The following APBB2 variants were observed in gnomAD, a reference collection of about 807,000 sequenced individuals.
APBB2 encodes amyloid beta precursor protein binding family B member 2.
In APBB2, 38 loss-of-function variants were observed where a neutral mutation model predicts 82.5. The observed-to-expected ratio is 0.46, with a 90% CI of 0.36 to 0.60. The LOEUF (loss-of-function observed/expected upper bound fraction) is 0.60. Among genes scored for constraint, APBB2 ranks in the 20% least tolerant of loss-of-function variants. The pLI is 0.00. For synonymous variants in APBB2, 341 were observed against 368.2 expected (o/e 0.93, Z 0.85); for missense variants, 772 against 972.3 (o/e 0.79, Z 2.74).
chr4:40,946,364 C>T (rs55738051), intron 6 of APBB2, among the ~76,000 whole-genome samples: 33,272 of 151,040 alleles, frequency 0.22, 3,865 homozygotes, highest in African/African-American at 0.29. Flanking sequence ...TGAGAGACAA[C>T]AAAGGTGGGT....
At chr4:40,847,052 C>A (rs890108484) in intron 12 of APBB2, among the ~76,000 whole-genome samples, 1 of 152,104 alleles carries the variant, frequency 6.6e-6, no homozygotes, top group African/African-American at 2.4e-5. Flanking sequence ...ACACCATGTT[C>A]CAGTTTCAAC....
Position 40,944,994 on chromosome 4 carries a change from C to T in APBB2, c.915G>A (p.Gly305=), listed in dbSNP as rs747282791. ...CTGTTGGGATGTGCCAATAATAGGT[C>T]CCGGCAATGTCACTGACTCTTTTCC... The part of the protein sequence containing the change: ...PGWKRVSDIA[G]TYYWHIPTGT... The change falls in exon 7 of 18, where the codon GGG becomes GGA. Residue 305 remains glycine (G), a synonymous_variant. Coordinates refer to ENST00000508593, the MANE Select transcript of APBB2 (RefSeq NM_004307.2). 8 of 1,613,368 alleles carry T rather than the reference C, an allele frequency of 5.0e-6. No individual in the cohort carries two copies. Among genetic ancestry groups the T allele is most frequent in the Non-Finnish European group, 6.8e-6 (8 of 1,179,918 alleles).
At chr4:40,823,534 C>G in intron 16 of APBB2, 110 bp downstream of exon 16, 2 of 740,852 alleles carry the variant, frequency 2.7e-6, no homozygotes, top group East Asian at 2.6e-5. Context: ...ATCTTAATCA[C>G]AAGGATGCAC....
intron 2 of APBB2, among the ~76,000 whole-genome samples, chr4:41,123,044 C>G (rs1488160942): frequency 6.6e-6 from 1 of 152,168 alleles, no homozygotes; most frequent in South Asian, 2.1e-4. Flanking sequence ...TCACCTGATT[C>G]TTGTGGCCAA....
At chr4:40,829,609 A>G (rs898217156) in intron 13 of APBB2, among the ~76,000 whole-genome samples, 3 of 152,004 alleles carry the variant, frequency 2.0e-5, no homozygotes, top group Non-Finnish European at 4.4e-5. Flanking sequence ...GAAATCTGTA[A>G]CAGCCAGAGC....
intron 2 of APBB2, chr4:41,118,041 T>TATAAA (rs781023870): frequency 7.0e-6 from 1 of 143,072 alleles, no homozygotes; most frequent in Non-Finnish European, 1.6e-5. Flanking sequence ...AAACTGTATC[T>TATAAA]ACAAAACAAA....
At chr4:40,898,500 G>A (rs910783010) in intron 10 of APBB2, among the ~76,000 whole-genome samples, 1 of 152,016 alleles carries the variant, frequency 6.6e-6, no homozygotes, top group Non-Finnish European at 1.5e-5. Flanking sequence ...CCTGACCTCA[G>A]GTGATCCACC....
intron 10 of APBB2, among the ~76,000 whole-genome samples, chr4:40,897,631 GT>G (rs1774034745): frequency 6.6e-6 from 1 of 152,046 alleles, no homozygotes; most frequent in Non-Finnish European, 1.5e-5. Context: ...TTTTAATTTA[GT>G]TTCTCATCTG....
In APBB2 at chr4:40,813,081, T is replaced by C. The variant is rs1744741433; in HGVS notation, c.*3011A>G. ...ATGTATGAGGTGGCAAGTCTGTGTC[T>C]ATCTAGCTGCTTTTAAAAAATAAAA... On this transcript the variant is annotated 3_prime_UTR_variant, in exon 18 of 18. Transcript: ENST00000508593. 6.6e-6 allele frequency: 1 copy of C among 152,230 alleles called. No individual in the cohort carries two copies. The highest frequency in any genetic ancestry group is 2.1e-4 in the South Asian group (1 of 4,834). 9.4% of individuals were successfully genotyped at this position (152,230 alleles called of 1,614,324 possible).
intron 3 of APBB2, among the ~76,000 whole-genome samples, chr4:41,098,242 T>C (rs1356938867): frequency 1.3e-5 from 2 of 152,130 alleles, no homozygotes; most frequent in Non-Finnish European, 2.9e-5. Context: ...TGTAGGGCTA[T>C]GGTGTGATCA....
chr4:41,026,027 GATA>G (rs1255902489), intron 5 of APBB2, among the ~76,000 whole-genome samples: 1 of 150,798 alleles, frequency 6.6e-6, no homozygotes, highest in Non-Finnish European at 1.5e-5. Flanking sequence ...AAAAGCACAA[GATA>G]ATGTCTTTTG....
intron 6 of APBB2, among the ~76,000 whole-genome samples, chr4:41,002,807 T>C (rs945436839): frequency 1.6e-4 from 25 of 152,250 alleles, no homozygotes; most frequent in African/African-American, 5.8e-4. Context: ...TCAGTATTGC[T>C]GTTTGTGATC....
At chr4:40,972,442 T>TA (rs1020447996) in intron 6 of APBB2, among the ~76,000 whole-genome samples, 1 of 80,778 alleles carries the variant, frequency 1.2e-5, no homozygotes, top group African/African-American at 3.8e-5. Flanking sequence ...AAAAAAAAAA[T>TA]AATAATAAAT....
At chr4:41,132,562 A>G (rs1756362064) in intron 2 of APBB2, among the ~76,000 whole-genome samples, 4 of 152,240 alleles carry the variant, frequency 2.6e-5, no homozygotes, top group Admixed American at 2.6e-4. Flanking sequence ...AATACAATTC[A>G]GTCCAAAGCT....
At chr4:41,085,323 A>G (rs1398454050) in intron 3 of APBB2, among the ~76,000 whole-genome samples, 1 of 152,042 alleles carries the variant, frequency 6.6e-6, no homozygotes, top group East Asian at 1.9e-4. Flanking sequence ...ACTGAATTAC[A>G]ATAACATCAA....
chr4:40,927,609 G>C (rs1470597589), intron 10 of APBB2, among the ~76,000 whole-genome samples: 1 of 152,060 alleles, frequency 6.6e-6, no homozygotes, highest in Non-Finnish European at 1.5e-5. Context: ...AGCCTCCCGA[G>C]TAGCTGGGAC....
intron 4 of APBB2, among the ~76,000 whole-genome samples, chr4:41,038,788 C>T (rs780567970): frequency 1.1e-4 from 17 of 152,116 alleles, no homozygotes; most frequent in South Asian, 2.1e-4. Flanking sequence ...TATCTGAACA[C>T]ATAAATTCCA....
intron 2 of APBB2, among the ~76,000 whole-genome samples, chr4:41,131,218 T>C (rs1580286394): frequency 6.6e-6 from 1 of 152,176 alleles, no homozygotes; most frequent in African/African-American, 2.4e-5. Flanking sequence ...AGCTGTGCCC[T>C]TTTTCTCCAC....
At position 40,827,129 on chromosome 4, in the gene APBB2, T is replaced by C; in HGVS notation, c.1732+3A>G. ...ATGAAGACATGAGGTGCCACTGACTTACCTTGCAAAGGGACATCGAGGTTC... is the reference window on the plus strand; with the variant it reads ...ATGAAGACATGAGGTGCCACTGACTCACCTTGCAAAGGGACATCGAGGTTC... On this transcript the variant is annotated splice_donor_region_variant and intron_variant, in intron 14 of 17. Coordinates refer to ENST00000508593, the MANE Select transcript of APBB2 (RefSeq NM_004307.2). 1 of 1,613,912 alleles carries C rather than the reference T, an allele frequency of 6.2e-7. No homozygotes were observed.
Sources: allele counts gnomAD v4.1 joint callset (sites outside exome capture counted in the v4.1 genomes callset), GRCh38; gene constraint gnomAD v4.1.1; transcripts MANE v1.5; gene names NCBI Gene and HGNC (gene_info 2026-07-23, HGNC 2026-07-21).